Variants in FSD1 observed in about 807,000 individuals in gnomAD.
The protein encoded by FSD1 is fibronectin type III and SPRY domain-containing protein 1.
Under a neutral mutation model 58.2 loss-of-function variants are expected in FSD1, and 23 were observed. The observed-to-expected ratio is 0.40, with a 90% confidence interval of 0.28 to 0.56. The LOEUF (loss-of-function observed/expected upper bound fraction) is 0.56, where lower values mean the gene tolerates loss of function less well. Among genes scored for constraint, FSD1 ranks in the 20% least tolerant of loss-of-function variants. The pLI is 0.54. For missense variants in FSD1, 563 were observed against 670.8 expected (o/e 0.84, Z 1.78); for synonymous variants, 265 against 263.4 (o/e 1.01, Z -0.06).
Position 4,323,501 on chromosome 19 carries a change from A to AGGGGG in FSD1, c.1381-31_1381-30insGGGGG. ...TGCTGGGCGCTGGGGTTTGAAGCTG[A>AGGGGG]GCCCCTCCCCCCTCCCCCCGCTGTC... On this transcript the variant is annotated intron_variant, in intron 12 of 12. Transcript: ENST00000221856. This position sits in a 1 kb window ranked among gnomAD's most constrained non-coding sequence, Gnocchi z 7.7. The AGGGGG allele has an allele frequency of 1.4e-6, 2 of 1,412,762 alleles. No homozygotes were observed. Among genetic ancestry groups the AGGGGG allele is most frequent in the Non-Finnish European group, 2.0e-6 (2 of 998,328 alleles). 87.5% of individuals were successfully genotyped at this position (1,412,762 alleles called of 1,614,324 possible).
At chr19:4,312,721 C>T (rs1033947622) in intron 7 of FSD1, among the ~76,000 whole-genome samples, 2 of 151,736 alleles carry the variant, frequency 1.3e-5, no homozygotes, top group Non-Finnish European at 2.9e-5. Context: ...AGGAGAATGG[C>T]GTGAACTCGG....
Position 4,323,466 on chromosome 19 carries a change from G to A in FSD1, c.1380+30G>A, listed in dbSNP as rs1392310072. 2 of 1,605,374 alleles carry A rather than the reference G, an allele frequency of 1.2e-6. No homozygotes were observed. The highest frequency in any genetic ancestry group is 2.7e-5 in the African/African-American group (2 of 74,706). On this transcript the variant is annotated intron_variant, in intron 12 of 12. Coordinates refer to ENST00000221856, the MANE Select transcript of FSD1 (RefSeq NM_024333.3). The surrounding 1 kb of genome is among the most constrained non-coding windows in gnomAD (Gnocchi z 7.7). ...GCTGCCCTCCGCGGCCCAGGGGGAG[G>A]AGAGGGTGGTGCTGGGCGCTGGGGT...
At position 4,317,174 on chromosome 19, in the gene FSD1, C is replaced by T. The variant is rs748841315; in HGVS notation, c.701-8C>T. 3 of 1,552,584 alleles carry T rather than the reference C, an allele frequency of 1.9e-6. No homozygotes were observed. In the African/African-American group the frequency reaches 4.1e-5, roughly 21 times the overall value. ...ACACAGTGTTGAAATGCCTCTCTTG[C>T]CTACCAGGTCTCAAGTTTGACATGA... is the stretch of plus-strand genomic sequence containing the variant. On this transcript the variant is annotated splice_polypyrimidine_tract_variant and splice_region_variant and intron_variant, in intron 7 of 12. Transcript: ENST00000221856.
rs775270318 is a variant in FSD1 at position 4,306,206 on chromosome 19, G to A, written c.120G>A (p.Ser40=). Residue 40 remains serine (S), a synonymous_variant, in exon 3 of 13, where the codon TCG becomes TCA. Transcript: ENST00000221856. ...TGGCTGTTCCGACCCAGGCGAACTCGGCGAAGGTGCAGGAGGACCTCGAAG... is the reference window on the plus strand; with the variant it reads ...TGGCTGTTCCGACCCAGGCGAACTCAGCGAAGGTGCAGGAGGACCTCGAAG... ...KQMLLNVEAN[S]AKVQEDLEAE... 1.7e-5 allele frequency: 28 copies of A among 1,613,718 alleles called. 1 individual carries two copies. The highest frequency in any genetic ancestry group is 1.5e-4 in the South Asian group (14 of 91,066).
At chr19:4,318,237 T>A (rs1471686234) in intron 8 of FSD1, 109 bp from the exon 9 acceptor site, 2 of 1,435,314 alleles carry the variant, frequency 1.4e-6, no homozygotes, top group Non-Finnish European at 1.9e-6. Flanking sequence ...GGCTCTTTGA[T>A]TCTCTGTCCC....
intron 6 of FSD1, 70 bp downstream of exon 6, chr19:4,310,666 CAG>C (rs761629697): frequency 6.5e-7 from 1 of 1,549,890 alleles, no homozygotes; most frequent in Non-Finnish European, 8.7e-7. Flanking sequence ...GGCCCTGAAA[CAG>C]GACCTGGAGT....
At chr19:4,318,727 G>A (rs759528306) in intron 9 of FSD1, 145 bp from the exon 10 acceptor site, 7 of 751,452 alleles carry the variant, frequency 9.3e-6, no homozygotes, top group Non-Finnish European at 1.4e-5. Context: ...TAAACATGAG[G>A]TGCTCGATAT....
chr19:4,306,438 TCC>T, intron 3 of FSD1, 109 bp downstream of exon 3: 1 of 1,040,970 alleles, frequency 9.6e-7, no homozygotes, highest in Non-Finnish European at 1.4e-6. Context: ...TTCTGATCTC[TCC>T]CCTGACCCCT....
chr19:4,313,546 T>G (rs1358631260), intron 7 of FSD1, among the ~76,000 whole-genome samples: 1 of 151,112 alleles, frequency 6.6e-6, no homozygotes, highest in East Asian at 2.0e-4. Flanking sequence ...GGTGAAACCC[T>G]GTCTCTACTA....
At chr19:4,310,863 A>C in intron 6 of FSD1, 1 of 378,146 alleles carries the variant, frequency 2.6e-6, no homozygotes, top group Non-Finnish European at 4.9e-6. Context: ...TGAGAATACC[A>C]TGTCCTGTGG....
intron 5 of FSD1, 34 bp from the exon 6 acceptor site, chr19:4,310,441 C>T (rs1330204929): frequency 1.1e-5 from 17 of 1,605,892 alleles, no homozygotes; most frequent in Non-Finnish European, 1.4e-5. Flanking sequence ...CAGGCCTGGT[C>T]CCCCACGCAA....
rs748859636 is a variant in FSD1 at position 4,323,333 on chromosome 19, GC to G, written c.1292-9del. The G allele has an allele frequency of 2.5e-6, 4 of 1,611,578 alleles. No homozygotes were observed. The South Asian group carries it at 4.4e-5, about 18-fold the overall frequency. On this transcript the variant is annotated splice_polypyrimidine_tract_variant and intron_variant, in intron 11 of 12. Transcript: ENST00000221856. This position sits in a 1 kb window ranked among gnomAD's most constrained non-coding sequence, Gnocchi z 7.7. ...TTCTGACCGGTCCCACTGTCACTCT[GC>G]CCCCCGACCCCAGGCCTCCTGTCCT...
At chr19:4,318,547 A>G (rs2144767880) in intron 9 of FSD1, 42 bp downstream of exon 9, 1 of 1,510,330 alleles carries the variant, frequency 6.6e-7, no homozygotes, top group East Asian at 2.4e-5. Flanking sequence ...GGTGGAGGAG[A>G]TCAGTCTGGA....
At chr19:4,312,675 T>G (rs764313945) in intron 7 of FSD1, among the ~76,000 whole-genome samples, 24 of 148,212 alleles carry the variant, frequency 1.6e-4, no homozygotes, top group Non-Finnish European at 2.7e-4. Context: ...CGTGGCGGTG[T>G]GCACCTGTAG....
intron 10 of FSD1, among the ~76,000 whole-genome samples, chr19:4,320,709 A>G (rs1249402079): frequency 1.3e-5 from 2 of 151,874 alleles, no homozygotes; most frequent in East Asian, 3.9e-4. Flanking sequence ...TCTGGAGGGA[A>G]TAGCTGCAGC....
intron 2 of FSD1, 38 bp from the exon 3 acceptor site, chr19:4,306,160 A>AACAC: frequency 1.1e-5 from 17 of 1,613,724 alleles, no homozygotes; most frequent in Non-Finnish European, 1.4e-5. Context: ...TCCCTCTCTG[A>AACAC]ACACGGGCTT....
At chr19:4,310,812 A>G (rs1599535409) in intron 6 of FSD1, 5 of 520,214 alleles carry the variant, frequency 9.6e-6, no homozygotes, top group Admixed American at 6.9e-5. Context: ...CCCACTGTGT[A>G]GTGACATCCT....
Position 4,310,467 on chromosome 19 carries a change from T to G in FSD1, c.369-8T>G, listed in dbSNP as rs1478224705. ...CCCCACGCAACGCCTGCCACCTCCT[T>G]CCTGCAGAGTGACCATGGCCCCTGC... On this transcript the variant is annotated splice_region_variant and splice_polypyrimidine_tract_variant and intron_variant, in intron 5 of 12. Coordinates refer to ENST00000221856, the MANE Select transcript of FSD1 (RefSeq NM_024333.3). The G allele has an allele frequency of 6.2e-7, 1 of 1,609,956 alleles. No individual in the cohort carries two copies. The highest frequency in any genetic ancestry group is 1.1e-5 in the South Asian group (1 of 90,934).
chr19:4,315,172 C>A (rs185989105), intron 7 of FSD1, among the ~76,000 whole-genome samples: 26 of 152,188 alleles, frequency 1.7e-4, no homozygotes, highest in African/African-American at 6.0e-4. Context: ...GTCGCCCAAG[C>A]TGGAGTACAG....
Sources: allele counts gnomAD v4.1 joint callset (sites outside exome capture counted in the v4.1 genomes callset), GRCh38; gene constraint gnomAD v4.1.1; non-coding constraint Gnocchi (gnomAD v3.1); transcripts MANE v1.5; gene names NCBI Gene and HGNC (gene_info 2026-07-23, HGNC 2026-07-21).